Variants in DMD observed in about 807,000 individuals in gnomAD.
DMD encodes the protein mutant dystrophin.
DMD carries 63 observed loss-of-function variants against 330.1 expected under a neutral mutation model. The ratio of observed to expected loss-of-function variants is 0.19; its 90% CI spans 0.16 to 0.24. The LOEUF (loss-of-function observed/expected upper bound fraction) is 0.24. DMD is among the 10% of genes least tolerant of loss of function. DMD has a pLI of 1.00. For synonymous variants in DMD, 1,223 were observed against 959.8 expected (o/e 1.27, Z -5.07); for missense variants, 3,344 against 2,684.1 (o/e 1.25, Z -5.43).
At chrX:31,728,188 A>T (rs182330966) in intron 52 of DMD, among the ~76,000 whole-genome samples, 10,251 of 110,350 alleles carry the variant, frequency 0.093, 413 homozygotes, top group Non-Finnish European at 0.12. Context: ...ACGCCCGGCT[A>T]ATTTTTTTTT....
chrX:32,230,536 C>T (rs1218062066), intron 43 of DMD, among the ~76,000 whole-genome samples: 1 of 112,116 alleles, frequency 8.9e-6, no homozygotes, highest in Non-Finnish European at 1.9e-5. Flanking sequence ...TGAGCCACCG[C>T]GCCCGGCCAA....
Position 32,672,612 on chromosome X carries a change from A to G in DMD, c.960+25258T>C, listed in dbSNP as rs780670966. 2.7e-5 allele frequency among the ~76,000 whole-genome samples: 3 copies of G among 110,877 alleles called. No individual in the cohort carries two copies. In the Admixed American group the frequency reaches 2.9e-4, roughly 11 times the overall value. On this transcript the variant is annotated intron_variant, in intron 9 of 78. Transcript: ENST00000357033. ...AGGGACATAGAACAAAAATCCAACT[A>G]CAACATTTTATGCTTTAACACAGTA... is the stretch of plus-strand genomic sequence containing the variant.
intron 1 of DMD, among the ~76,000 whole-genome samples, chrX:33,126,456 C>G (rs1017743369): frequency 8.1e-5 from 9 of 111,256 alleles, no homozygotes; most frequent in Non-Finnish European, 1.7e-4. Flanking sequence ...ATCAGAAACT[C>G]TGGGGGTGGC....
At chrX:31,832,488 G>C (rs1413317592) in intron 49 of DMD, among the ~76,000 whole-genome samples, 1 of 111,948 alleles carries the variant, frequency 8.9e-6, no homozygotes, top group African/African-American at 3.2e-5. Flanking sequence ...TAATGATGCT[G>C]TCATTTTGCA....
intron 2 of DMD, among the ~76,000 whole-genome samples, chrX:32,976,694 T>C (rs5928128): frequency 9.0e-6 from 1 of 110,668 alleles, no homozygotes; most frequent in Admixed American, 9.7e-5. Context: ...AGCTGTCTAC[T>C]TCTGTGGTTT....
chrX:32,947,767 C>T (rs746938859), intron 2 of DMD, among the ~76,000 whole-genome samples: 9 of 110,839 alleles, frequency 8.1e-5, no homozygotes, highest in African/African-American at 2.9e-4. Flanking sequence ...AACAATGAAA[C>T]ATTTTACCCA....
intron 44 of DMD, among the ~76,000 whole-genome samples, chrX:32,079,986 A>G (rs1394793591): frequency 8.0e-5 from 9 of 112,460 alleles, no homozygotes; most frequent in Non-Finnish European, 1.7e-4. Flanking sequence ...ATTTCCATAA[A>G]GAATTGTTTA....
At chrX:31,415,020 C>T (rs951032912) in intron 60 of DMD, among the ~76,000 whole-genome samples, 2 of 112,242 alleles carry the variant, frequency 1.8e-5, no homozygotes, top group African/African-American at 6.5e-5. Context: ...CTACCATTTT[C>T]GAAACAATAA....
intron 74 of DMD, among the ~76,000 whole-genome samples, chrX:31,162,004 C>T (rs1246552950): frequency 9.6e-6 from 1 of 104,567 alleles, no homozygotes; most frequent in Non-Finnish European, 1.9e-5. Flanking sequence ...CAGTCTTCAA[C>T]TCTTAAACTC....
At chrX:32,322,012 A>G (rs941674274) in intron 41 of DMD, among the ~76,000 whole-genome samples, 10 of 111,485 alleles carry the variant, frequency 9.0e-5, no homozygotes, top group African/African-American at 2.9e-4. Context: ...TAAAAATAAA[A>G]TATGGGTTCT....
chrX:31,459,984 C>A (rs754903655), intron 59 of DMD, among the ~76,000 whole-genome samples: 3 of 111,571 alleles, frequency 2.7e-5, no homozygotes, highest in Non-Finnish European at 5.7e-5. Context: ...TTTTCTCATC[C>A]TTCTCCTCTC....
intron 11 of DMD, among the ~76,000 whole-genome samples, chrX:32,617,999 C>T (rs2057710096): frequency 9.0e-6 from 1 of 111,230 alleles, no homozygotes; most frequent in Non-Finnish European, 1.9e-5. Context: ...CTGGGAAATG[C>T]AAATTAAAAC....
intron 44 of DMD, among the ~76,000 whole-genome samples, chrX:31,986,054 C>G (rs1164002530): frequency 9.0e-6 from 1 of 110,936 alleles, no homozygotes; most frequent in Non-Finnish European, 1.9e-5. Context: ...GGTTGGAGCC[C>G]CTTGAATGAA....
chrX:32,390,721 T>C (rs1032685982), intron 30 of DMD, among the ~76,000 whole-genome samples: 2 of 111,309 alleles, frequency 1.8e-5, no homozygotes, highest in East Asian at 2.8e-4. Flanking sequence ...AGTCTTGCTA[T>C]GTGACCCAGC....
intron 18 of DMD, among the ~76,000 whole-genome samples, chrX:32,511,155 A>T (rs2045262444): frequency 9.0e-6 from 1 of 110,552 alleles, no homozygotes; most frequent in Admixed American, 9.6e-5. Flanking sequence ...TCCAAATTCC[A>T]GTATTTCAAT....
At chrX:32,566,071 T>C (rs754187510) in intron 15 of DMD, among the ~76,000 whole-genome samples, 190 bp from the exon 16 acceptor site, 2 of 111,647 alleles carry the variant, frequency 1.8e-5, no homozygotes, top group East Asian at 2.8e-4. Context: ...CCCAAGAAGT[T>C]TGAAGAGAAA....
In DMD at chrX:32,310,764, G is replaced by A. The variant is rs754832270; in HGVS notation, c.5923-488C>T. Among the ~76,000 whole-genome samples the A allele has an allele frequency of 6.3e-5, 7 of 110,603 alleles. No homozygotes were observed. The East Asian group carries it at 2.0e-3, about 32-fold the overall frequency. ...AGATACAACAGATACGAAGTAGTTAGGCTGGTATGTAACTTTGTATTAAGC... is the reference window on the plus strand; with the variant it reads ...AGATACAACAGATACGAAGTAGTTAAGCTGGTATGTAACTTTGTATTAAGC... On this transcript the variant is annotated intron_variant, in intron 41 of 78. Transcript: ENST00000357033.
chrX:32,302,381 C>G (rs1050597484), intron 42 of DMD, among the ~76,000 whole-genome samples: 3 of 111,080 alleles, frequency 2.7e-5, no homozygotes, highest in Non-Finnish European at 5.7e-5. Context: ...ATGGGTTTAT[C>G]TGGATATAAC....
chrX:33,076,991 C>T (rs746879359), intron 1 of DMD, among the ~76,000 whole-genome samples: 70 of 110,477 alleles, frequency 6.3e-4, no homozygotes, highest in African/African-American at 2.1e-3. Context: ...CACAGGGAGT[C>T]GGAGCTGTCT....
Sources: gnomAD v4.1 joint callset for allele counts (sites outside exome capture counted in the v4.1 genomes callset) on GRCh38, gnomAD v4.1.1 for gene constraint, MANE v1.5 for transcripts, NCBI Gene and HGNC (gene_info 2026-07-23, HGNC 2026-07-21) for gene names.